Variants in CSMD2 observed in about 807,000 individuals in gnomAD.
CSMD2 encodes CUB and Sushi multiple domains 2, also known as CUB and sushi domain-containing protein 2.
CSMD2 carries 130 observed loss-of-function variants against 398.5 expected under a neutral mutation model. The observed-to-expected ratio is 0.33, with a 90% confidence interval of 0.28 to 0.38. CSMD2 has a LOEUF of 0.38. CSMD2 is among the 10% of genes least tolerant of loss of function. The probability of loss-of-function intolerance (pLI) is 1.00; values close to 1 mark genes in which losing one functional copy is unlikely to be tolerated. For synonymous variants in CSMD2, 1,828 were observed against 1,908.5 expected, an observed-to-expected ratio of 0.96 and a Z score of 1.10; for missense variants, 3,829 against 4,764.9, an observed-to-expected ratio of 0.80 and a Z score of 5.78.
chr1:33,984,452 A>G (rs1646279229), intron 3 of CSMD2, among the ~76,000 whole-genome samples: 1 of 152,128 alleles, frequency 6.6e-6, no homozygotes, highest in Non-Finnish European at 1.5e-5. Flanking sequence ...CAAGACACTC[A>G]AGTGTGAAGC....
chr1:33,951,207 T>C (rs751271155), intron 3 of CSMD2, among the ~76,000 whole-genome samples: 2 of 152,208 alleles, frequency 1.3e-5, no homozygotes, highest in Non-Finnish European at 2.9e-5. Context: ...CTTCCCTCCC[T>C]TGAGCAATGA....
Position 33,622,147 on chromosome 1 carries a change from C to T in CSMD2, c.5827+20G>A, listed in dbSNP as rs757386798. ...GGTCCCACCCTGAACCCTGTACCAG[C>T]CAAGACCCTGGATTCTCACTTTTGT... On this transcript the variant is annotated intron_variant, in intron 37 of 70. Transcript: ENST00000373381. 1.3e-6 allele frequency: 2 copies of T among 1,586,906 alleles called. No homozygotes were observed. The highest frequency in any genetic ancestry group is 1.7e-5 in the Admixed American group (1 of 59,972).
At chr1:33,951,580 G>A (rs551994451) in intron 3 of CSMD2, among the ~76,000 whole-genome samples, 5 of 152,124 alleles carry the variant, frequency 3.3e-5, no homozygotes, top group South Asian at 2.1e-4. Flanking sequence ...CTACCCCCTC[G>A]CCCGTCCTCC....
At chr1:33,627,118 T>C (rs1386797211) in intron 32 of CSMD2, among the ~76,000 whole-genome samples, 1 of 152,174 alleles carries the variant, frequency 6.6e-6, no homozygotes, top group Non-Finnish European at 1.5e-5. Context: ...GTGTAATGTA[T>C]TGTTCATACT....
chr1:33,949,369 G>A (rs893824310), intron 3 of CSMD2, among the ~76,000 whole-genome samples: 1 of 152,222 alleles, frequency 6.6e-6, no homozygotes, highest in African/African-American at 2.4e-5. Flanking sequence ...CCAGGAGCCA[G>A]AACATGGGAT....
chr1:33,745,767 G>A (rs1647298120), intron 13 of CSMD2, among the ~76,000 whole-genome samples: 3 of 152,160 alleles, frequency 2.0e-5, no homozygotes, highest in African/African-American at 7.2e-5. Flanking sequence ...CAAGGGGAGA[G>A]AAGGACATGA....
At chr1:33,985,307 G>T (rs1233595755) in intron 3 of CSMD2, among the ~76,000 whole-genome samples, 1 of 152,220 alleles carries the variant, frequency 6.6e-6, no homozygotes, top group African/African-American at 2.4e-5. Flanking sequence ...CTTTCTAGGG[G>T]AGGCGAGAGT....
chr1:33,546,109 C>G lies in CSMD2; in HGVS notation c.9028G>C (p.Val3010Leu), dbSNP rs751920658. The change falls in exon 57 of 71, where the codon GTG becomes CTG. Residue 3010 changes from valine to leucine, a missense_variant. Physicochemically the swap from Val to Leu is conservative, Grantham distance 32. Transcript: ENST00000373381. ...VMRFSCEAGH[V>L]LRGSSERTCQ... ...GTGCGCTCTGACGATCCCCGGAGCA[C>G]GTGGCCAGCTTCACAGCTGAAGCGC... The G allele has an allele frequency of 6.2e-7, 1 of 1,614,062 alleles. No homozygotes were observed. Among genetic ancestry groups the G allele is most frequent in the African/African-American group, 1.3e-5 (1 of 74,922 alleles).
upstream of CSMD2, chr1:34,165,598 AAACAC>A: frequency 4.3e-6 from 3 of 699,832 alleles, no homozygotes; most frequent in East Asian, 5.7e-5. Context: ...ACACACACAC[AAACAC>A]ACACACACAC....
chr1:33,804,727 G>T, intron 10 of CSMD2: 1 of 717,336 alleles, frequency 1.4e-6, no homozygotes, highest in Non-Finnish European at 2.6e-6. Context: ...GGCAGTCCTT[G>T]GATACACCTG....
intron 2 of CSMD2, among the ~76,000 whole-genome samples, chr1:34,036,142 A>G (rs1416038905): frequency 6.6e-6 from 1 of 152,188 alleles, no homozygotes; most frequent in Non-Finnish European, 1.5e-5. Context: ...CCACATAACT[A>G]TACAACTCAG....
At chr1:33,700,736 C>T in intron 22 of CSMD2, 63 bp from the exon 23 acceptor site, 1 of 1,533,676 alleles carries the variant, frequency 6.5e-7, no homozygotes, top group South Asian at 1.2e-5. Flanking sequence ...AACAACACCT[C>T]CTTACCCCAC....
chr1:33,593,400 AG>A (rs1339642560), intron 44 of CSMD2, among the ~76,000 whole-genome samples: 5 of 152,234 alleles, frequency 3.3e-5, no homozygotes, highest in African/African-American at 9.6e-5. Context: ...AATTTACAAA[AG>A]AAAGAGGTTT....
rs180811686 is a variant in CSMD2 at position 33,533,205 on chromosome 1, G to A, written c.10016C>T (p.Thr3339Met). The stretch of plus-strand genomic sequence containing the variant: ...GGCCCCGACGTTGGCATGCGTTGGC[G>A]TCTCTGGCTGCCTGCAGTGGTGGGC... ...CVPHHCRQPE[T>M]PTHANVGALD... Residue 3339 changes from threonine to methionine, a missense_variant, in exon 64 of 71, where the codon ACG becomes ATG. By Grantham distance (81) the Thr-to-Met change is moderately conservative (BLOSUM62 -1). This residue lies in a region of CSMD2 where 917 missense variants were observed against 1,199.5 expected (regional missense o/e 0.76). Coordinates refer to ENST00000373381, the MANE Select transcript of CSMD2 (RefSeq NM_001281956.2). The surrounding 1 kb of genome is among the most constrained non-coding windows in gnomAD (Gnocchi z 4.2). 5.1e-5 allele frequency: 83 copies of A among 1,613,946 alleles called. No individual in the cohort carries two copies. The highest frequency in any genetic ancestry group is 1.6e-4 in the Middle Eastern group (1 of 6,062).
chr1:33,857,763 G>A (rs568133769), intron 5 of CSMD2, among the ~76,000 whole-genome samples: 6 of 152,202 alleles, frequency 3.9e-5, no homozygotes, highest in South Asian at 2.1e-4. Context: ...ACTAGTTTGG[G>A]GACAATTCTC....
At chr1:33,986,679 C>A (rs1296137097) in intron 3 of CSMD2, among the ~76,000 whole-genome samples, 1 of 152,212 alleles carries the variant, frequency 6.6e-6, no homozygotes, top group African/African-American at 2.4e-5. Flanking sequence ...TCCAAGTCTG[C>A]TCTCCTGGCT....
chr1:34,037,653 CCAGA>C (rs1651316600), intron 2 of CSMD2, among the ~76,000 whole-genome samples: 1 of 152,146 alleles, frequency 6.6e-6, no homozygotes, highest in African/African-American at 2.4e-5. Context: ...GGTGCCCTTC[CCAGA>C]CACTCAGCCT....
intron 5 of CSMD2, among the ~76,000 whole-genome samples, chr1:33,853,959 G>T (rs1324423728): frequency 6.6e-6 from 1 of 152,152 alleles, no homozygotes; most frequent in African/African-American, 2.4e-5. Flanking sequence ...CTAATGCCCA[G>T]CTATATTTGA....
At position 33,950,383 on chromosome 1, in the gene CSMD2, C is replaced by CAGAGAGAG. The variant is rs3045848; in HGVS notation, c.518-14437_518-14430dup. On this transcript the variant is annotated intron_variant, in intron 3 of 70. Coordinates refer to ENST00000373381, the MANE Select transcript of CSMD2 (RefSeq NM_001281956.2). Reference sequence around the variant, plus strand: ...ATGGCTCTCCTTATTTCTCCTCCAGCAGAGAGAGAGAGAGAGAGAGAGAGA... The same window carrying CAGAGAGAG: ...ATGGCTCTCCTTATTTCTCCTCCAGCAGAGAGAGAGAGAGAGAGAGAGAGAGAGAGAGA... Among the ~76,000 whole-genome samples the CAGAGAGAG allele has an allele frequency of 1.0e-2, 1,334 of 133,802 alleles. 7 individuals are homozygous for CAGAGAGAG. The highest frequency in any genetic ancestry group is 0.011 in the Non-Finnish European group (729 of 63,686). The allele number at this position is 133,802 out of a possible 152,430, so 87.8% of individuals were successfully genotyped here.
Sources: allele counts gnomAD v4.1 joint callset (sites outside exome capture counted in the v4.1 genomes callset), GRCh38; gene constraint gnomAD v4.1.1; regional missense constraint gnomAD v4.1.1; non-coding constraint Gnocchi (gnomAD v3.1); transcripts MANE v1.5; gene names NCBI Gene and HGNC (gene_info 2026-07-23, HGNC 2026-07-21).